Variants in SMARCAL1 observed in about 807,000 individuals in gnomAD.
SMARCAL1 encodes SNF2 related chromatin remodeling annealing helicase 1, also known as ATP-driven annealing helicase.
Under a neutral mutation model 94.5 loss-of-function variants are expected in SMARCAL1, and 58 were observed. The observed-to-expected ratio is 0.61, with a 90% CI of 0.50 to 0.76. The LOEUF (loss-of-function observed/expected upper bound fraction) is 0.76. Among genes scored for constraint, SMARCAL1 ranks in the 30% least tolerant of loss-of-function variants. The pLI is 0.00. For synonymous variants in SMARCAL1, 422 were observed against 455.1 expected (o/e 0.93, Z 0.93); for missense variants, 1,051 against 1,177.9 (o/e 0.89, Z 1.58).
At chr2:216,435,628 T>G in intron 9 of SMARCAL1, 132 bp downstream of exon 9, 2 of 825,390 alleles carry the variant, frequency 2.4e-6, no homozygotes, top group South Asian at 3.0e-5. Context: ...ATCACTGTCT[T>G]TATTTTGTGG....
intron 11 of SMARCAL1, 136 bp from the exon 12 acceptor site, chr2:216,450,710 C>A: frequency 3.1e-6 from 2 of 655,296 alleles, no homozygotes; most frequent in Non-Finnish European, 2.7e-6. Context: ...GTTTATTTGT[C>A]CCTGTAAGTC....
intron 7 of SMARCAL1, among the ~76,000 whole-genome samples, chr2:216,429,163 G>A (rs1332986735): frequency 1.3e-5 from 2 of 152,206 alleles, no homozygotes; most frequent in Admixed American, 1.3e-4. Context: ...CTCAAGTGTG[G>A]CAGCTCGGGC....
Position 216,435,474 on chromosome 2 carries a change from C to A in SMARCAL1, c.1622C>A (p.Thr541Asn), listed in dbSNP as rs753062232. 4 of 1,613,998 alleles carry A rather than the reference C, an allele frequency of 2.5e-6. No individual in the cohort carries two copies. Among genetic ancestry groups the A allele is most frequent in the Non-Finnish European group, 2.5e-6 (3 of 1,179,974 alleles). ...LLSKLEKQLK[T>N]PFKVVIIDES... ...AGCAAGTTGGAAAAACAGCTAAAAA[C>A]CCCTTTTAAAGTTGTCATCATTGTA... Residue 541 changes from threonine to asparagine, a missense_variant, in exon 9 of 18, where the codon ACC becomes AAC. Physicochemically the swap from Thr to Asn is moderately conservative, Grantham distance 65. Transcript: ENST00000357276.
intron 13 of SMARCAL1, 115 bp from the exon 14 acceptor site, chr2:216,467,829 C>T (rs1237600659): frequency 1.6e-5 from 12 of 740,314 alleles, no homozygotes; most frequent in East Asian, 5.4e-5. Context: ...AAAGTGAAAA[C>T]TGTTGATCAT....
At chr2:216,451,927 A>G (rs1694459533) in intron 12 of SMARCAL1, among the ~76,000 whole-genome samples, 1 of 152,210 alleles carries the variant, frequency 6.6e-6, no homozygotes, top group African/African-American at 2.4e-5. Flanking sequence ...TTAGATGTAG[A>G]TCTCAGCCTT....
intron 17 of SMARCAL1, chr2:216,478,962 C>G (rs1695143806): frequency 6.4e-6 from 1 of 155,590 alleles, no homozygotes; most frequent in Non-Finnish European, 1.4e-5. Flanking sequence ...ACAGGACAGC[C>G]CTGGGCCCAT....
intron 13 of SMARCAL1, 145 bp from the exon 14 acceptor site, chr2:216,467,799 T>A: frequency 1.5e-6 from 1 of 665,686 alleles, no homozygotes; most frequent in Non-Finnish European, 2.7e-6. Flanking sequence ...TTAAAACACA[T>A]TATAATGATA....
chr2:216,466,532 T>C (rs1386783467), intron 13 of SMARCAL1, among the ~76,000 whole-genome samples: 1 of 152,220 alleles, frequency 6.6e-6, no homozygotes, highest in African/African-American at 2.4e-5. Context: ...TTTTCTTTTT[T>C]TGCTGTTGTT....
intron 3 of SMARCAL1, chr2:216,416,001 A>G (rs1693592794): frequency 6.5e-6 from 3 of 458,436 alleles, no homozygotes; most frequent in Non-Finnish European, 1.2e-5. Context: ...CTTGGATTCT[A>G]GTCCTAACTC....
chr2:216,436,442 A>C (rs900105473), intron 9 of SMARCAL1, among the ~76,000 whole-genome samples: 1 of 152,212 alleles, frequency 6.6e-6, no homozygotes, highest in Non-Finnish European at 1.5e-5. Context: ...TAACTCACAC[A>C]AATATTGTGG....
chr2:216,451,184 T>C lies in SMARCAL1; in HGVS notation c.2070+120T>C, dbSNP rs1435689584. On this transcript the variant is annotated intron_variant, in intron 12 of 17. Coordinates refer to ENST00000357276, the MANE Select transcript of SMARCAL1 (RefSeq NM_014140.4). ...TTTCCTTTCTGTAACCTTTTCCCTCTTCCCTAGGCAAGAACAGCAAGTCCA... is the reference window on the plus strand; with the variant it reads ...TTTCCTTTCTGTAACCTTTTCCCTCCTCCCTAGGCAAGAACAGCAAGTCCA... 23 of 831,060 alleles carry C rather than the reference T, an allele frequency of 2.8e-5. No individual in the cohort carries two copies. In the Middle Eastern group the frequency reaches 7.9e-4, roughly 29 times the overall value. 51.5% of individuals were successfully genotyped at this position (831,060 alleles called of 1,614,324 possible). A position where few individuals can be genotyped will look rare whatever the true frequency, so the allele number is the denominator to read the frequency against.
chr2:216,443,841 G>C (rs998697564), intron 10 of SMARCAL1, among the ~76,000 whole-genome samples: 3 of 152,114 alleles, frequency 2.0e-5, no homozygotes, highest in Non-Finnish European at 4.4e-5. Flanking sequence ...GTTTGTTTTG[G>C]GGGGCACCAC....
At chr2:216,423,583 A>G (rs1693770174) in intron 5 of SMARCAL1, 50 bp from the exon 6 acceptor site, 1 of 1,445,188 alleles carries the variant, frequency 6.9e-7, no homozygotes, top group Non-Finnish European at 9.7e-7. Flanking sequence ...GTGATCACGT[A>G]GCAGAAGGGC....
intron 17 of SMARCAL1, among the ~76,000 whole-genome samples, chr2:216,481,511 AT>A (rs1218114828): frequency 2.2e-4 from 24 of 107,438 alleles, no homozygotes; most frequent in South Asian, 2.0e-3. Flanking sequence ...TTATGTATTT[AT>A]TTTTTTTTTG....
chr2:216,438,328 C>T, intron 9 of SMARCAL1, 92 bp from the exon 10 acceptor site: 2 of 1,068,166 alleles, frequency 1.9e-6, no homozygotes. Flanking sequence ...ATCCACCTTG[C>T]ACTTGCCATG....
intron 14 of SMARCAL1, among the ~76,000 whole-genome samples, chr2:216,473,549 T>A (rs1180150599): frequency 1.3e-5 from 2 of 152,118 alleles, no homozygotes; most frequent in Admixed American, 6.6e-5. Flanking sequence ...ATGCTGTTGC[T>A]GCATAATGAC....
chr2:216,436,749 G>A (rs1694090231), intron 9 of SMARCAL1, among the ~76,000 whole-genome samples: 1 of 152,350 alleles, frequency 6.6e-6, no homozygotes, highest in Middle Eastern at 3.4e-3. Flanking sequence ...CAATTCTTGA[G>A]TGTTGCCTTG....
At chr2:216,436,370 C>T (rs1694082762) in intron 9 of SMARCAL1, among the ~76,000 whole-genome samples, 2 of 152,212 alleles carry the variant, frequency 1.3e-5, no homozygotes, top group African/African-American at 2.4e-5. Flanking sequence ...CACATACTTC[C>T]TAAGGAAAGT....
intron 12 of SMARCAL1, among the ~76,000 whole-genome samples, chr2:216,462,720 T>C (rs1694730987): frequency 1.3e-5 from 2 of 152,056 alleles, no homozygotes; most frequent in Non-Finnish European, 1.5e-5. Context: ...ATGCAGTGGC[T>C]CATGCCTGTA....
Sources: gnomAD v4.1 joint callset for allele counts (sites outside exome capture counted in the v4.1 genomes callset) on GRCh38, gnomAD v4.1.1 for gene constraint, MANE v1.5 for transcripts, NCBI Gene and HGNC (gene_info 2026-07-23, HGNC 2026-07-21) for gene names.